The following MAN2A1 variants were observed in gnomAD, a reference collection of about 807,000 sequenced individuals.
MAN2A1 encodes alpha-mannosidase 2.
MAN2A1 carries 76 observed loss-of-function variants against 142.6 expected under a neutral mutation model. That is an observed-to-expected ratio of 0.53 (90% CI 0.44 to 0.65). The LOEUF is 0.65. Ranked by LOEUF, MAN2A1 falls within the 30% of genes least tolerant of loss-of-function variation. The probability of loss-of-function intolerance (pLI) is 0.00; values close to 1 mark genes in which losing one functional copy is unlikely to be tolerated. For missense variants in MAN2A1, 1,311 were observed against 1,365.1 expected (o/e 0.96, Z 0.62); for synonymous variants, 559 against 473.2 (o/e 1.18, Z -2.35).
At chr5:109,796,587 G>A (rs113225972) in intron 12 of MAN2A1, among the ~76,000 whole-genome samples, 2,853 of 80,856 alleles carry the variant, frequency 0.035, 36 homozygotes, top group Middle Eastern at 0.11. Context: ...CAGGAACAAG[G>A]AAACTTAACG....
At chr5:109,774,755 T>G (rs914854232) in intron 7 of MAN2A1, 33 bp from the exon 8 acceptor site, 3 of 1,542,792 alleles carry the variant, frequency 1.9e-6, no homozygotes, top group Non-Finnish European at 1.8e-6. Context: ...CAAATTCATA[T>G]TTGCTGTTTT....
chr5:109,755,121 G>C (rs1253581719), intron 4 of MAN2A1, among the ~76,000 whole-genome samples: 1 of 152,192 alleles, frequency 6.6e-6, no homozygotes, highest in African/African-American at 2.4e-5. Context: ...GGCTTTTCCT[G>C]CAGAAGGGCA....
intron 4 of MAN2A1, among the ~76,000 whole-genome samples, chr5:109,733,830 G>T (rs1444445000): frequency 6.6e-6 from 1 of 151,806 alleles, no homozygotes; most frequent in Non-Finnish European, 1.5e-5. Context: ...TCTCTTTTTT[G>T]GTTGTGTCTC....
intron 15 of MAN2A1, among the ~76,000 whole-genome samples, chr5:109,820,851 A>G (rs755590855): frequency 6.6e-6 from 1 of 152,180 alleles, no homozygotes; most frequent in Non-Finnish European, 1.5e-5. Context: ...TACAATGAAC[A>G]ATGTTCAGTT....
chr5:109,774,964 A>C lies in MAN2A1; in HGVS notation c.1373A>C (p.Lys458Thr), dbSNP rs1325878968. The C allele has an allele frequency of 6.3e-7, 1 of 1,578,132 alleles. No homozygotes were observed. Among genetic ancestry groups the C allele is most frequent in the Admixed American group, 1.8e-5 (1 of 56,082 alleles). ...YMNSQSKFKV[K>T]IQFGTLSDFF... ...AATTCTCAGTCCAAGTTTAAAGTTA[A>C]GGTAAGGAGAAAATATTTATGATTC... Residue 458 changes from lysine (K) to threonine (T), a missense_variant and splice_region_variant, in exon 8 of 22, where the codon AAG becomes ACG. Lys to Thr is a moderately conservative substitution (Grantham distance 78). Coordinates refer to ENST00000261483, the MANE Select transcript of MAN2A1 (RefSeq NM_002372.4).
chr5:109,738,009 G>A (rs947613840), intron 4 of MAN2A1, among the ~76,000 whole-genome samples: 1 of 152,128 alleles, frequency 6.6e-6, no homozygotes, highest in African/African-American at 2.4e-5. Context: ...CGTGTGCTTT[G>A]TGCATTCCTT....
At chr5:109,726,435 G>C (rs1269325146) in intron 3 of MAN2A1, among the ~76,000 whole-genome samples, 1 of 152,174 alleles carries the variant, frequency 6.6e-6, no homozygotes, top group African/African-American at 2.4e-5. Context: ...CTATCTTTCA[G>C]TTCATTCTTC....
intron 6 of MAN2A1, among the ~76,000 whole-genome samples, chr5:109,768,039 TA>T (rs1753040845): frequency 6.6e-6 from 1 of 152,242 alleles, no homozygotes; most frequent in Non-Finnish European, 1.5e-5. Context: ...TTAGAACTGA[TA>T]TCCAGTCATA....
chr5:109,769,500 G>A (rs531451534), intron 6 of MAN2A1, among the ~76,000 whole-genome samples: 5 of 152,054 alleles, frequency 3.3e-5, no homozygotes, highest in Non-Finnish European at 5.9e-5. Flanking sequence ...AATAAAGGGC[G>A]GGGGCTATTT....
chr5:109,814,047 A>G (rs1754389037), intron 12 of MAN2A1, among the ~76,000 whole-genome samples: 2 of 152,178 alleles, frequency 1.3e-5, no homozygotes, highest in South Asian at 2.1e-4. Flanking sequence ...ATGGGGGCCC[A>G]ATGTCACAGT....
At chr5:109,784,541 AT>A (rs1452630558) in intron 9 of MAN2A1, among the ~76,000 whole-genome samples, 2 of 152,144 alleles carry the variant, frequency 1.3e-5, no homozygotes, top group African/African-American at 4.8e-5. Context: ...TAGACATGGT[AT>A]TCTTTGATGA....
At chr5:109,799,666 A>G (rs1472556302) in intron 12 of MAN2A1, among the ~76,000 whole-genome samples, 2 of 152,042 alleles carry the variant, frequency 1.3e-5, no homozygotes, top group South Asian at 4.1e-4. Context: ...AAGCAGGAGA[A>G]TCACTTGAAC....
intron 8 of MAN2A1, among the ~76,000 whole-genome samples, chr5:109,779,168 A>G (rs1021655941): frequency 1.3e-5 from 2 of 152,122 alleles, no homozygotes; most frequent in Non-Finnish European, 2.9e-5. Context: ...TTATTTTTCT[A>G]CCCTTAAAGA....
At chr5:109,735,200 C>T (rs1329766580) in intron 4 of MAN2A1, among the ~76,000 whole-genome samples, 1 of 151,926 alleles carries the variant, frequency 6.6e-6, no homozygotes, top group East Asian at 1.9e-4. Context: ...GCAACCCCTG[C>T]CTTTTTTTGT....
At chr5:109,862,718 C>A (rs978166294) in intron 20 of MAN2A1, 1 of 152,100 alleles carries the variant, frequency 6.6e-6, no homozygotes, top group Admixed American at 6.6e-5. Context: ...AATAAAATGT[C>A]TAGACAGACT....
At chr5:109,690,705 C>T (rs1265332908) in intron 1 of MAN2A1, among the ~76,000 whole-genome samples, 153 bp downstream of exon 1, 1 of 152,170 alleles carries the variant, frequency 6.6e-6, no homozygotes, top group African/African-American at 2.4e-5. Context: ...GCAATGATCA[C>T]CTCCTGGGAG....
chr5:109,791,426 G>A (rs1753734544), intron 12 of MAN2A1, among the ~76,000 whole-genome samples: 1 of 152,012 alleles, frequency 6.6e-6, no homozygotes, highest in Non-Finnish European at 1.5e-5. Flanking sequence ...GAATTTGATT[G>A]TTTTATTTAG....
chr5:109,757,953 A>G (rs773468652), intron 5 of MAN2A1, among the ~76,000 whole-genome samples: 14 of 152,110 alleles, frequency 9.2e-5, no homozygotes, highest in Non-Finnish European at 1.8e-4. Flanking sequence ...GTTGATGGGC[A>G]CTTAGGTTGT....
intron 3 of MAN2A1, among the ~76,000 whole-genome samples, chr5:109,717,349 T>C (rs1751485214): frequency 6.6e-6 from 1 of 152,148 alleles, no homozygotes; most frequent in South Asian, 2.1e-4. Context: ...TTTTTGTGCG[T>C]GTGTGCTGCT....
Sources: allele counts gnomAD v4.1 joint callset (sites outside exome capture counted in the v4.1 genomes callset), GRCh38; gene constraint gnomAD v4.1.1; transcripts MANE v1.5; gene names NCBI Gene and HGNC (gene_info 2026-07-23, HGNC 2026-07-21).